Variants in TEX22 observed in about 807,000 individuals in gnomAD.
The protein encoded by TEX22 is testis expressed 22, also known as testis-expressed protein 22.
TEX22 carries 16 observed loss-of-function variants against 11.3 expected under a neutral mutation model. The observed-to-expected ratio is 1.42, with a 90% CI of 0.96 to 2.15. The LOEUF is 2.15. TEX22 is among the 30% of genes most tolerant of loss of function. The probability of loss-of-function intolerance (pLI) is 0.00; values close to 1 mark genes in which losing one functional copy is unlikely to be tolerated. For synonymous variants in TEX22, 97 were observed against 92.3 expected (o/e 1.05, Z -0.29); for missense variants, 220 against 208.6 (o/e 1.05, Z -0.34).
chr14:105,411,515 C>G lies in TEX22; in HGVS notation c.279+19C>G, dbSNP rs1287333610. The stretch of plus-strand genomic sequence containing the variant: ...CTGCAGGGTGCGCGGGGGGCGGGTC[C>G]TCCCCGCCCCGTCCCCGCCCCGCCC... On this transcript the variant is annotated intron_variant, in intron 3 of 3. Coordinates refer to ENST00000451127, the MANE Select transcript of TEX22 (RefSeq NM_001195082.2). The G allele has an allele frequency of 1.7e-6, 2 of 1,151,260 alleles. No homozygotes were observed. The highest frequency in any genetic ancestry group is 2.1e-6 in the Non-Finnish European group (2 of 936,062). 71.3% of individuals were successfully genotyped at this position (1,151,260 alleles called of 1,614,324 possible).
In TEX22 at chr14:105,413,005, C is replaced by T. The variant is rs1481352263; in HGVS notation, c.*1172C>T. The T allele has an allele frequency of 6.6e-6, 1 of 152,354 alleles. No individual in the cohort carries two copies. The highest frequency in any genetic ancestry group is 2.4e-5 in the African/African-American group (1 of 41,426). 9.4% of individuals were successfully genotyped at this position (152,354 alleles called of 1,614,324 possible). A position where few individuals can be genotyped will look rare whatever the true frequency, so the allele number is the denominator to read the frequency against. ...CTGGCCCGAGTTGAATCCTCTGCAC[C>T]TGCCTGTCTCCCCTTCTTACTGTAA... On this transcript the variant is annotated 3_prime_UTR_variant, in exon 4 of 4. Transcript: ENST00000451127. The surrounding 1 kb of genome is among the most constrained non-coding windows in gnomAD (Gnocchi z 4.2).
chr14:105,402,770 A>G (rs1312748555), intron 2 of TEX22, among the ~76,000 whole-genome samples: 1 of 152,080 alleles, frequency 6.6e-6, no homozygotes, highest in African/African-American at 2.4e-5. Context: ...AAAAAAAAAA[A>G]AAAAGAGAAA....
At chr14:105,403,458 C>T (rs1315076558) in intron 2 of TEX22, among the ~76,000 whole-genome samples, 2 of 152,158 alleles carry the variant, frequency 1.3e-5, no homozygotes, top group Admixed American at 6.5e-5. Flanking sequence ...ATGATGTTAT[C>T]CTGGCTCTCC....
chr14:105,402,718 T>A (rs1028472716), intron 2 of TEX22, among the ~76,000 whole-genome samples: 4 of 143,498 alleles, frequency 2.8e-5, no homozygotes, highest in African/African-American at 1.1e-4. Context: ...ATTGCGCTAC[T>A]GCACTCCAGC....
chr14:105,409,143 A>C lies in TEX22; in HGVS notation c.151-2225A>C, dbSNP rs1555419104. 2.0e-5 allele frequency among the ~76,000 whole-genome samples: 3 copies of C among 151,850 alleles called. No individual in the cohort carries two copies. In the South Asian group the frequency reaches 6.3e-4, roughly 32 times the overall value. On this transcript the variant is annotated intron_variant, in intron 2 of 3. Transcript: ENST00000451127. ...ACTGCCAGCAACCAGCCCAGCTGGC[A>C]GGGCCACTGAGTAGCCTTCCCCACT...
intron 2 of TEX22, among the ~76,000 whole-genome samples, chr14:105,410,252 T>G (rs2081682002): frequency 6.6e-6 from 1 of 152,132 alleles, no homozygotes; most frequent in Non-Finnish European, 1.5e-5. Flanking sequence ...TAATTTTGTA[T>G]TTTTAGTAGA....
chr14:105,411,838 C>T lies in TEX22; in HGVS notation c.*5C>T. The T allele has an allele frequency of 7.1e-7, 1 of 1,401,282 alleles. No homozygotes were observed. The highest frequency in any genetic ancestry group is 9.3e-7 in the Non-Finnish European group (1 of 1,072,750). 86.8% of individuals were successfully genotyped at this position (1,401,282 alleles called of 1,614,324 possible). On this transcript the variant is annotated 3_prime_UTR_variant, in exon 4 of 4. Coordinates refer to ENST00000451127, the MANE Select transcript of TEX22 (RefSeq NM_001195082.2). ...TCGAGGTCACCCCCTTCCTAAGAGC[C>T]CCATTCAGCCCATTGTCTGTCTTCC... is the stretch of plus-strand genomic sequence containing the variant.
At chr14:105,411,520 C>T (rs2081691310) in intron 3 of TEX22, 24 bp downstream of exon 3, 10 of 1,119,852 alleles carry the variant, frequency 8.9e-6, no homozygotes, top group Non-Finnish European at 1.1e-5. Context: ...GGGTCCTCCC[C>T]GCCCCGTCCC....
At chr14:105,400,240 A>G (rs2081619442) in intron 2 of TEX22, among the ~76,000 whole-genome samples, 1 of 152,202 alleles carries the variant, frequency 6.6e-6, no homozygotes, top group Admixed American at 6.5e-5. Flanking sequence ...TCATTGAGCC[A>G]TGCACACAGG....
At chr14:105,406,394 T>A (rs2081658676) in intron 2 of TEX22, among the ~76,000 whole-genome samples, 1 of 152,126 alleles carries the variant, frequency 6.6e-6, no homozygotes, top group South Asian at 2.1e-4. Context: ...TTGAAAGCAA[T>A]GAGGAAACTA....
chr14:105,399,162 A>G, intron 1 of TEX22, 140 bp from the exon 2 acceptor site: 1 of 598,284 alleles, frequency 1.7e-6, no homozygotes, highest in Admixed American at 3.0e-5. Context: ...CAGAGGGGTC[A>G]GTGATGCCTG....
chr14:105,408,350 TC>T (rs2081669918), intron 2 of TEX22, among the ~76,000 whole-genome samples: 1 of 152,000 alleles, frequency 6.6e-6, no homozygotes, highest in African/African-American at 2.4e-5. Flanking sequence ...CAAGTGGTTC[TC>T]CTGCCTCAGC....
chr14:105,409,716 TTTCA>T (rs1192893391), intron 2 of TEX22, among the ~76,000 whole-genome samples: 1 of 145,762 alleles, frequency 6.9e-6, no homozygotes, highest in African/African-American at 2.4e-5. Context: ...CCTTTCTTTC[TTTCA>T]TTCATTCTTT....
In TEX22 at chr14:105,412,936, A is replaced by T. The variant is rs1231410013; in HGVS notation, c.*1103A>T. On this transcript the variant is annotated 3_prime_UTR_variant, in exon 4 of 4. Transcript: ENST00000451127. This position sits in a 1 kb window ranked among gnomAD's most constrained non-coding sequence, Gnocchi z 5.8. ...CTCCCCTTCCCGCTGCTGAGAAGCC[A>T]CCTGACTGCACTGCCAGCCACCTGC... 6.5e-6 allele frequency: 1 copy of T among 153,064 alleles called. No homozygotes were observed. The highest frequency in any genetic ancestry group is 2.4e-5 in the African/African-American group (1 of 41,396). The allele number at this position is 153,064 out of a possible 1,614,324, so 9.5% of individuals were successfully genotyped here.
chr14:105,404,753 AAAG>A (rs2081650185), intron 2 of TEX22, among the ~76,000 whole-genome samples: 2 of 152,140 alleles, frequency 1.3e-5, no homozygotes, highest in Admixed American at 1.3e-4. Context: ...AAATGATAAA[AAAG>A]AGAATTTGCC....
intron 2 of TEX22, among the ~76,000 whole-genome samples, chr14:105,406,469 C>G (rs1216881531): frequency 1.3e-5 from 2 of 152,090 alleles, no homozygotes; most frequent in African/African-American, 4.8e-5. Flanking sequence ...CCCAGCACTT[C>G]AGGAGGCCAA....
At chr14:105,402,807 A>G (rs1234373562) in intron 2 of TEX22, among the ~76,000 whole-genome samples, 3 of 152,178 alleles carry the variant, frequency 2.0e-5, no homozygotes, top group African/African-American at 7.2e-5. Flanking sequence ...TTCATGAAGA[A>G]CACTTTACAA....
chr14:105,402,109 C>T (rs1555418413), intron 2 of TEX22, among the ~76,000 whole-genome samples: 3 of 152,064 alleles, frequency 2.0e-5, no homozygotes, highest in East Asian at 1.9e-4. Flanking sequence ...TTGCTTGAAC[C>T]TGGGAGTTGG....
In TEX22 at chr14:105,411,886, C is replaced by T; in HGVS notation, c.*53C>T. ...TCCAGTGCCTTTCCTTGGGGGCCCA[C>T]GGTGGGGGCAGCCTCTGCGCCTTCT... On this transcript the variant is annotated 3_prime_UTR_variant, in exon 4 of 4. Transcript: ENST00000451127. 3 of 1,377,516 alleles carry T rather than the reference C, an allele frequency of 2.2e-6. No individual in the cohort carries two copies. Among genetic ancestry groups the T allele is most frequent in the Non-Finnish European group, 2.8e-6 (3 of 1,062,178 alleles). The allele number at this position is 1,377,516 out of a possible 1,614,324, so 85.3% of individuals were successfully genotyped here.
Sources: gnomAD v4.1 joint callset for allele counts (sites outside exome capture counted in the v4.1 genomes callset) on GRCh38, gnomAD v4.1.1 for gene constraint, Gnocchi (gnomAD v3.1) non-coding constraint, MANE v1.5 for transcripts, NCBI Gene and HGNC (gene_info 2026-07-23, HGNC 2026-07-21) for gene names.